The following HERPUD2 variants were observed in gnomAD, a reference collection of about 807,000 sequenced individuals.
HERPUD2 encodes the protein HERPUD family member 2.
Under a neutral mutation model 49.9 loss-of-function variants are expected in HERPUD2, and 13 were observed. The ratio of observed to expected loss-of-function variants is 0.26; its 90% CI spans 0.17 to 0.41. The LOEUF is 0.41. HERPUD2 is among the 10% of genes least tolerant of loss of function. The probability of loss-of-function intolerance (pLI) is 1.00; values close to 1 mark genes in which losing one functional copy is unlikely to be tolerated. For synonymous variants in HERPUD2, 172 were observed against 171.4 expected (o/e 1.00, Z -0.03); for missense variants, 449 against 492.2 (o/e 0.91, Z 0.83).
intron 5 of HERPUD2, among the ~76,000 whole-genome samples, chr7:35,647,329 A>G (rs532010035): frequency 1.1e-4 from 17 of 151,734 alleles, no homozygotes; most frequent in African/African-American, 4.1e-4. Context: ...AGATAGTCCC[A>G]CCCTCCTCCA....
chr7:35,662,720 C>G (rs1413358524), intron 5 of HERPUD2, among the ~76,000 whole-genome samples: 1 of 151,976 alleles, frequency 6.6e-6, no homozygotes, highest in Non-Finnish European at 1.5e-5. Context: ...GGTGATATCC[C>G]CTTTATCATT....
At chr7:35,648,416 A>T (rs895184460) in intron 5 of HERPUD2, among the ~76,000 whole-genome samples, 12 of 152,172 alleles carry the variant, frequency 7.9e-5, no homozygotes, top group African/African-American at 2.4e-4. Flanking sequence ...CTGGCTCATA[A>T]CAGTAGACTG....
chr7:35,659,819 A>C (rs1785370472), intron 5 of HERPUD2, among the ~76,000 whole-genome samples: 1 of 152,010 alleles, frequency 6.6e-6, no homozygotes, highest in Non-Finnish European at 1.5e-5. Flanking sequence ...TTTTGGCAAA[A>C]TATTTGAGAT....
chr7:35,649,412 CGTT>C (rs1410626920), intron 5 of HERPUD2, among the ~76,000 whole-genome samples: 2 of 152,086 alleles, frequency 1.3e-5, no homozygotes, highest in East Asian at 1.9e-4. Flanking sequence ...CGTTAGTAAT[CGTT>C]GTCAACAAAA....
chr7:35,670,168 GA>G (rs759885585), intron 4 of HERPUD2, 46 bp downstream of exon 4: 289 of 892,430 alleles, frequency 3.2e-4, no homozygotes, highest in South Asian at 1.1e-3. Context: ...AGACGACGAC[GA>G]AAAAAAAAGA....
rs778164724 is a variant in HERPUD2, at chr7:35,657,557, T to A, written c.494+9877A>T. On this transcript the variant is annotated intron_variant, in intron 5 of 8. Coordinates refer to ENST00000311350, the MANE Select transcript of HERPUD2 (RefSeq NM_022373.5). ...GAATCGCTTGAGCCCAGGAGTATGATCATGCTGCTGCACTCCAGCCTGGGC... is the reference window on the plus strand; with the variant it reads ...GAATCGCTTGAGCCCAGGAGTATGAACATGCTGCTGCACTCCAGCCTGGGC... Among the ~76,000 whole-genome samples the A allele has an allele frequency of 2.6e-4, 36 of 137,990 alleles. 1 individual carries two copies. The highest frequency in any genetic ancestry group is 4.0e-3 in the Middle Eastern group (1 of 250). The allele number at this position is 137,990 out of a possible 152,430, so 90.5% of individuals were successfully genotyped here. A position where few individuals can be genotyped will look rare whatever the true frequency, so the allele number is the denominator to read the frequency against.
chr7:35,633,678 C>T lies in HERPUD2; in HGVS notation c.*12G>A. The T allele has an allele frequency of 2.5e-6, 4 of 1,610,216 alleles. No individual in the cohort carries two copies. In the Middle Eastern group the frequency reaches 5.0e-4, roughly 201 times the overall value. On this transcript the variant is annotated 3_prime_UTR_variant, in exon 9 of 9. Coordinates refer to ENST00000311350, the MANE Select transcript of HERPUD2 (RefSeq NM_022373.5). Reference sequence around the variant, plus strand: ...AGTCAGACCCTCCTTGTAGCTGGCACAGTTTTTCAGGTCAATTGGCAACCT... The same window carrying T: ...AGTCAGACCCTCCTTGTAGCTGGCATAGTTTTTCAGGTCAATTGGCAACCT...
chr7:35,671,282 C>A (rs1192966829), intron 3 of HERPUD2, among the ~76,000 whole-genome samples: 1 of 151,948 alleles, frequency 6.6e-6, no homozygotes, highest in East Asian at 1.9e-4. Context: ...CACTACAGCA[C>A]AATTAGAGAA....
chr7:35,673,758 T>C lies in HERPUD2; in HGVS notation c.148-480A>G, dbSNP rs1436897456. 3.9e-5 allele frequency among the ~76,000 whole-genome samples: 6 copies of C among 152,328 alleles called. No individual in the cohort carries two copies. In the South Asian group the frequency reaches 1.0e-3, roughly 26 times the overall value. On this transcript the variant is annotated intron_variant, in intron 2 of 8. Transcript: ENST00000311350. ...AGACTTACTTTCTTCCTTACTAATATTGTGCAGAACAATTTATTGGTTTTA... is the reference window on the plus strand; with the variant it reads ...AGACTTACTTTCTTCCTTACTAATACTGTGCAGAACAATTTATTGGTTTTA...
At chr7:35,676,466 G>C (rs1349315079) in intron 2 of HERPUD2, among the ~76,000 whole-genome samples, 1 of 152,146 alleles carries the variant, frequency 6.6e-6, no homozygotes, top group Non-Finnish European at 1.5e-5. Context: ...GTCTCTAATA[G>C]TAGCTTCCTT....
chr7:35,649,229 C>T (rs961133683), intron 5 of HERPUD2, among the ~76,000 whole-genome samples: 2 of 145,404 alleles, frequency 1.4e-5, no homozygotes, highest in South Asian at 2.2e-4. Flanking sequence ...CCAGCCTGGG[C>T]GACAGAGCGA....
At chr7:35,659,178 C>A (rs1785354059) in intron 5 of HERPUD2, among the ~76,000 whole-genome samples, 2 of 152,184 alleles carry the variant, frequency 1.3e-5, no homozygotes, top group Admixed American at 6.5e-5. Flanking sequence ...TGCTCTTGCA[C>A]ATTTTAAGGC....
intron 5 of HERPUD2, among the ~76,000 whole-genome samples, chr7:35,655,312 C>T (rs576430706): frequency 1.3e-5 from 2 of 152,272 alleles, no homozygotes; most frequent in African/African-American, 4.8e-5. Context: ...AACACAGACA[C>T]AAAAATCCTC....
At chr7:35,635,025 C>A in intron 7 of HERPUD2, 110 bp downstream of exon 7, 1 of 743,316 alleles carries the variant, frequency 1.3e-6, no homozygotes, top group South Asian at 2.0e-5. Flanking sequence ...TATCTAAAGC[C>A]CAGCATTCAT....
chr7:35,677,190 C>G (rs1454984804), intron 2 of HERPUD2, among the ~76,000 whole-genome samples: 1 of 152,196 alleles, frequency 6.6e-6, no homozygotes, highest in Non-Finnish European at 1.5e-5. Flanking sequence ...TACACACATA[C>G]TCCTATTTTC....
chr7:35,656,438 T>C (rs901218250), intron 5 of HERPUD2, among the ~76,000 whole-genome samples: 2 of 152,020 alleles, frequency 1.3e-5, no homozygotes, highest in African/African-American at 4.8e-5. Context: ...AATACCAATG[T>C]CATTTTTTAC....
chr7:35,661,132 G>A (rs560955137), intron 5 of HERPUD2, among the ~76,000 whole-genome samples: 8 of 152,280 alleles, frequency 5.3e-5, no homozygotes, highest in Admixed American at 1.3e-4. Context: ...TTATAAAATA[G>A]GGAATCCTTT....
intron 3 of HERPUD2, 34 bp from the exon 4 acceptor site, chr7:35,670,362 T>A (rs1381794773): frequency 1.9e-6 from 2 of 1,031,376 alleles, no homozygotes; most frequent in African/African-American, 3.3e-5. Context: ...TAAAGGGTAG[T>A]ACTACAAAAT....
intron 4 of HERPUD2, 54 bp downstream of exon 4, chr7:35,670,161 C>CAAT: frequency 2.5e-5 from 22 of 862,830 alleles, no homozygotes; most frequent in Non-Finnish European, 3.2e-5. Context: ...AAAAATAAGA[C>CAAT]GACGACGAAA....
Sources: gnomAD v4.1 joint callset for allele counts (sites outside exome capture counted in the v4.1 genomes callset) on GRCh38, gnomAD v4.1.1 for gene constraint, MANE v1.5 for transcripts, NCBI Gene and HGNC (gene_info 2026-07-23, HGNC 2026-07-21) for gene names.